The following KDM4C variants were observed in gnomAD, a reference collection of about 807,000 sequenced individuals.
KDM4C encodes lysine demethylase 4C.
KDM4C carries 81 observed loss-of-function variants against 129.3 expected under a neutral mutation model. The ratio of observed to expected loss-of-function variants is 0.63; its 90% CI spans 0.52 to 0.75. KDM4C has a LOEUF of 0.75. Among genes scored for constraint, KDM4C ranks in the 30% least tolerant of loss-of-function variants. The pLI is 0.00. For missense variants in KDM4C, 1,457 were observed against 1,304.0 expected, an observed-to-expected ratio of 1.12 and a Z score of -1.81; for synonymous variants, 573 against 456.1, an observed-to-expected ratio of 1.26 and a Z score of -3.26.
Position 6,724,528 on chromosome 9 carries a change from G to A in KDM4C, c.49+3531G>A, listed in dbSNP as rs1817059990. 2.0e-5 allele frequency among the ~76,000 whole-genome samples: 3 copies of A among 151,960 alleles called. No individual in the cohort carries two copies. The South Asian group carries it at 6.2e-4, about 32-fold the overall frequency. ...GTAAACTGGACATATTATTATTATT[G>A]TTATTATTATTATTATTTTTGAGAC... On this transcript the variant is annotated intron_variant, in intron 1 of 17. Coordinates refer to the KDM4C transcript ENST00000536108.
chr9:7,084,806 T>C (rs181509088), intron 17 of KDM4C, among the ~76,000 whole-genome samples: 90 of 152,368 alleles, frequency 5.9e-4, no homozygotes, highest in African/African-American at 2.0e-3. Flanking sequence ...GCACTTACCA[T>C]GTTCCAGTTC....
chr9:6,738,454 G>T (rs1359939259), intron 1 of KDM4C, among the ~76,000 whole-genome samples: 1 of 152,114 alleles, frequency 6.6e-6, no homozygotes, highest in Non-Finnish European at 1.5e-5. Context: ...CAGCTTGGGC[G>T]ACAGGTCCTC....
intron 3 of KDM4C, among the ~76,000 whole-genome samples, chr9:6,807,528 C>T (rs1404933125): frequency 2.0e-5 from 3 of 148,244 alleles, no homozygotes. Flanking sequence ...GCGCCTCTGC[C>T]CCGCCGCCCC....
intron 5 of KDM4C, among the ~76,000 whole-genome samples, chr9:6,850,766 TTTTTTCGAGACAGGGTC>T (rs1215970208): frequency 6.6e-6 from 1 of 151,448 alleles, no homozygotes; most frequent in East Asian, 1.9e-4. Flanking sequence ...TATTTATTTA[TTTTTTCGAGACAGGGTC>T]TCACTCTGTT....
At chr9:6,937,475 A>G (rs537830840) in intron 8 of KDM4C, among the ~76,000 whole-genome samples, 28 of 152,064 alleles carry the variant, frequency 1.8e-4, no homozygotes, top group African/African-American at 2.4e-5. Flanking sequence ...TATTCTTCCT[A>G]TGTGTAATAT....
chr9:7,111,760 G>T (rs1838344651), intron 18 of KDM4C, among the ~76,000 whole-genome samples: 1 of 152,178 alleles, frequency 6.6e-6, no homozygotes, highest in Non-Finnish European at 1.5e-5. Context: ...AGTAGATTGG[G>T]TGATCAGAAT....
rs33974740 is a variant in KDM4C at position 6,926,341 on chromosome 9, T to TAAAAAAAAAAAAAAAAAAAAAAAA, written c.921+33123_921+33124insAAAAAAAAAAAAAAAAAAAAAAAA. 1.2e-3 allele frequency among the ~76,000 whole-genome samples: 132 copies of TAAAAAAAAAAAAAAAAAAAAAAAA among 107,194 alleles called. 1 individual carries two copies. The highest frequency in any genetic ancestry group is 3.4e-3 in the East Asian group (14 of 4,168). 70.3% of individuals were successfully genotyped at this position (107,194 alleles called of 152,430 possible). The stretch of plus-strand genomic sequence containing the variant: ...GAAGCAGTTGTAGAGAGATAATTTG[T>TAAAAAAAAAAAAAAAAAAAAAAAA]AAAAAAAAAAAAAAGGACCAAAATA... On this transcript the variant is annotated intron_variant, in intron 8 of 21. Coordinates refer to ENST00000381309, the MANE Select transcript of KDM4C (RefSeq NM_015061.6).
At chr9:6,932,050 T>C (rs978572090) in intron 8 of KDM4C, among the ~76,000 whole-genome samples, 4 of 152,226 alleles carry the variant, frequency 2.6e-5, no homozygotes, top group Admixed American at 6.5e-5. Flanking sequence ...GCCGTGACTA[T>C]TGTGAGTCAC....
rs556341396 is a variant in KDM4C at position 6,832,950 on chromosome 9, G to T, written c.436-16557G>T. 2.1e-3 allele frequency among the ~76,000 whole-genome samples: 318 copies of T among 149,410 alleles called. 3 individuals are homozygous for T. The highest frequency in any genetic ancestry group is 2.9e-3 in the Non-Finnish European group (194 of 67,618). On this transcript the variant is annotated intron_variant, in intron 4 of 21. Transcript: ENST00000381309. ...GGGGTTTCACCATGTTGGCCAGGCTGGTCTTGAACTCCTGACCTTAGGTGA... is the reference window on the plus strand; with the variant it reads ...GGGGTTTCACCATGTTGGCCAGGCTTGTCTTGAACTCCTGACCTTAGGTGA...
chr9:6,970,926 C>T (rs1235091134), intron 8 of KDM4C, among the ~76,000 whole-genome samples: 1 of 151,994 alleles, frequency 6.6e-6, no homozygotes, highest in Non-Finnish European at 1.5e-5. Context: ...CTCGGCTCTA[C>T]CGTCTTCTCC....
chr9:6,768,061 C>T (rs867653258), intron 1 of KDM4C, among the ~76,000 whole-genome samples: 19 of 152,068 alleles, frequency 1.2e-4, no homozygotes, highest in African/African-American at 4.6e-4. Context: ...TCACTTTTAG[C>T]CTTTAGACAG....
In KDM4C at chr9:6,967,000, A is replaced by G. The variant is rs537505467; in HGVS notation, c.922-13925A>G. On this transcript the variant is annotated intron_variant, in intron 8 of 21. Transcript: ENST00000381309. The stretch of plus-strand genomic sequence containing the variant: ...TATATCACTAAAAAATTGAATTAGC[A>G]AGACCCAGAGGAGGATAAAACATTT... Among the ~76,000 whole-genome samples, 3 of 152,338 alleles carry G rather than the reference A, an allele frequency of 2.0e-5. No individual in the cohort carries two copies. In the East Asian group the frequency reaches 5.8e-4, roughly 29 times the overall value.
chr9:6,850,454 A>T (rs1026055007), intron 5 of KDM4C, among the ~76,000 whole-genome samples: 6 of 148,530 alleles, frequency 4.0e-5, no homozygotes, highest in South Asian at 2.1e-4. Flanking sequence ...ATTTTATTTT[A>T]TTTTTTTTTG....
At chr9:7,146,825 A>G (rs886487800) in intron 19 of KDM4C, among the ~76,000 whole-genome samples, 1 of 152,168 alleles carries the variant, frequency 6.6e-6, no homozygotes. Flanking sequence ...TCAGATTCCA[A>G]TGAGGATAAC....
chr9:6,884,179 T>A (rs1469448992), intron 6 of KDM4C, among the ~76,000 whole-genome samples: 1 of 152,072 alleles, frequency 6.6e-6, no homozygotes, highest in East Asian at 1.9e-4. Context: ...GACGTTAGGG[T>A]CAAGTGAGGC....
At chr9:7,097,852 A>G (rs879790818) in intron 17 of KDM4C, among the ~76,000 whole-genome samples, 1 of 152,232 alleles carries the variant, frequency 6.6e-6, no homozygotes, top group Non-Finnish European at 1.5e-5. Flanking sequence ...ATGATCTTAC[A>G]TAGAAGATAT....
At chr9:6,966,265 C>T (rs917792736) in intron 8 of KDM4C, among the ~76,000 whole-genome samples, 1 of 152,098 alleles carries the variant, frequency 6.6e-6, no homozygotes, top group African/African-American at 2.4e-5. Context: ...TCACTGCAAG[C>T]TCCGCCTTCC....
chr9:6,726,359 T>C (rs1342082940), intron 1 of KDM4C: 1 of 152,276 alleles, frequency 6.6e-6, no homozygotes, highest in Non-Finnish European at 1.5e-5. Flanking sequence ...GAATCTCTAA[T>C]AGTTTGTGTC....
intron 8 of KDM4C, among the ~76,000 whole-genome samples, chr9:6,919,756 G>A (rs904621918): frequency 3.9e-5 from 6 of 151,912 alleles, no homozygotes; most frequent in Non-Finnish European, 8.8e-5. Context: ...TGTATTTTTA[G>A]TAGAGATGGG....
Sources: gnomAD v4.1 joint callset for allele counts (sites outside exome capture counted in the v4.1 genomes callset) on GRCh38, gnomAD v4.1.1 for gene constraint, MANE v1.5 for transcripts, NCBI Gene and HGNC (gene_info 2026-07-23, HGNC 2026-07-21) for gene names.